Variants in PAK6 observed in about 807,000 individuals in gnomAD.
PAK6 encodes serine/threonine-protein kinase PAK 6.
A neutral mutation model predicts 60.8 loss-of-function variants in PAK6; 33 were observed. The ratio of observed to expected loss-of-function variants is 0.54; its 90% confidence interval spans 0.41 to 0.73. The LOEUF (loss-of-function observed/expected upper bound fraction) is 0.73, where lower values mean the gene tolerates loss of function less well. Among genes scored for constraint, PAK6 ranks in the 30% least tolerant of loss-of-function variants. The probability of loss-of-function intolerance (pLI) is 0.00; values close to 1 mark genes in which losing one functional copy is unlikely to be tolerated. For synonymous variants in PAK6, 404 were observed against 378.5 expected (o/e 1.07, Z -0.78); for missense variants, 845 against 904.1 (o/e 0.93, Z 0.84).
At chr15:40,273,913 C>T (rs893592848) in intron 9 of PAK6, 6 of 669,666 alleles carry the variant, frequency 9.0e-6, no homozygotes, top group Non-Finnish European at 1.5e-5. Flanking sequence ...GCCGGGCCTC[C>T]TATGTATGAT....
chr15:40,264,738 CCT>C (rs1566852372), intron 3 of PAK6, 41 bp from the exon 4 acceptor site: 2 of 1,573,380 alleles, frequency 1.3e-6, no homozygotes, highest in South Asian at 2.2e-5. Flanking sequence ...TGCAGCCACC[CCT>C]CTTTCCCGGG....
In PAK6 at chr15:40,265,265, G is replaced by A. The variant is rs561853314; in HGVS notation, c.204+276G>A. The stretch of plus-strand genomic sequence containing the variant: ...TTGCATTTGTATTTCAGATGACAAC[G>A]AATAGTCTTTTAGGACGTGTCCCAT... On this transcript the variant is annotated intron_variant, in intron 4 of 10. Coordinates refer to ENST00000560346, the Ensembl canonical transcript of PAK6. Among the ~76,000 whole-genome samples, 4 of 152,342 alleles carry A rather than the reference G, an allele frequency of 2.6e-5. No homozygotes were observed. In the East Asian group the frequency reaches 5.8e-4, roughly 22 times the overall value.
chr15:40,254,564 A>G (rs562430442), intron 3 of PAK6, among the ~76,000 whole-genome samples: 3 of 152,258 alleles, frequency 2.0e-5, no homozygotes, highest in African/African-American at 7.2e-5. Context: ...CTGGAACCTC[A>G]ACTGTTGCCT....
intron 10 of PAK6, 58 bp from the exon 11 acceptor site, chr15:40,275,869 C>G (rs1231993175): frequency 6.0e-6 from 9 of 1,492,464 alleles, no homozygotes; most frequent in African/African-American, 1.4e-5. Context: ...TCCAGGCAAT[C>G]AGGTCACCCC....
At chr15:40,275,282 T>TTTTTTTTTTTTTTTTTTTTG (rs2039423227) in intron 10 of PAK6, among the ~76,000 whole-genome samples, 1 of 95,152 alleles carries the variant, frequency 1.1e-5, no homozygotes. Flanking sequence ...TGTTGTTGGT[T>TTTTTTTTTTTTTTTTTTTTG]TTTTTTTTTT....
At chr15:40,253,218 TC>T in exon 3 of PAK6, 1 of 456,052 alleles carries the variant, frequency 2.2e-6, no homozygotes, top group South Asian at 1.5e-5. Context: ...AGGTCTTCCC[TC>T]TCCTCAGCGC....
chr15:40,249,847 C>T (rs1303846186), intron 2 of PAK6, among the ~76,000 whole-genome samples: 2 of 152,246 alleles, frequency 1.3e-5, no homozygotes, highest in African/African-American at 2.4e-5. Flanking sequence ...CCCTCCCAGA[C>T]CATACTGGCC....
chr15:40,261,117 T>C (rs1449939268), intron 3 of PAK6, among the ~76,000 whole-genome samples: 3 of 151,584 alleles, frequency 2.0e-5, no homozygotes, highest in African/African-American at 7.3e-5. Context: ...CTCTATCTCC[T>C]GACCTCGTGA....
chr15:40,252,304 G>T, intron 2 of PAK6: 2 of 1,232,854 alleles, frequency 1.6e-6, no homozygotes, highest in Non-Finnish European at 2.1e-6. Flanking sequence ...TCTCCAGGTC[G>T]GGTCTCCGCG....
Position 40,273,686 on chromosome 15 carries a change from C to T in PAK6, c.1743+10C>T, listed in dbSNP as rs762857584. On this transcript the variant is annotated intron_variant, in intron 9 of 10. Transcript: ENST00000560346. ...TTTGTATGCCACTGAGGTAACCGTT[C>T]CCTCCACCCCCCAGACCTCCCAAAA... is the stretch of plus-strand genomic sequence containing the variant. 1.2e-6 allele frequency: 2 copies of T among 1,612,484 alleles called. No homozygotes were observed. Among genetic ancestry groups the T allele is most frequent in the Admixed American group, 1.7e-5 (1 of 59,944 alleles).
At chr15:40,249,167 C>CT (rs1350753636) in intron 2 of PAK6, among the ~76,000 whole-genome samples, 1 of 152,178 alleles carries the variant, frequency 6.6e-6, no homozygotes, top group African/African-American at 2.4e-5. Context: ...CTGGGGGCCT[C>CT]TTTCATAAAG....
At chr15:40,252,701 C>G in intron 2 of PAK6, 1 of 1,305,482 alleles carries the variant, frequency 7.7e-7, no homozygotes, top group Non-Finnish European at 1.0e-6. Flanking sequence ...GGTGGGTTCC[C>G]CGGCTGCCCC....
chr15:40,275,897 T>A (rs775560347), intron 10 of PAK6, 30 bp from the exon 11 acceptor site: 1 of 1,583,528 alleles, frequency 6.3e-7, no homozygotes, highest in Non-Finnish European at 8.6e-7. Context: ...CTGCAAATTG[T>A]GGCTTCATCT....
chr15:40,263,984 C>T, intron 3 of PAK6: 1 of 455,822 alleles, frequency 2.2e-6, no homozygotes, highest in Admixed American at 2.4e-5. Flanking sequence ...GTGCTCTCTG[C>T]CTTCTCTGGA....
chr15:40,262,060 G>A (rs114164063), intron 3 of PAK6, among the ~76,000 whole-genome samples: 2,222 of 152,056 alleles, frequency 0.015, 52 homozygotes, highest in African/African-American at 0.05. Context: ...GGTGGGTGGT[G>A]GGGGGCGGAT....
At position 40,265,834 on chromosome 15, in the gene PAK6, C is replaced by A. The variant is rs2039112319; in HGVS notation, c.205-8C>A. 6.6e-7 allele frequency: 1 copy of A among 1,514,548 alleles called. No individual in the cohort carries two copies. Among genetic ancestry groups the A allele is most frequent in the Non-Finnish European group, 8.9e-7 (1 of 1,129,940 alleles). 93.8% of individuals were successfully genotyped at this position (1,514,548 alleles called of 1,614,324 possible). On this transcript the variant is annotated splice_polypyrimidine_tract_variant and splice_region_variant and intron_variant, in intron 4 of 10. Coordinates refer to ENST00000560346, the Ensembl canonical transcript of PAK6. ...GCTCCCACACACTCTTTTCTCTTCCCCCTACAGACAGTGGTGCGGGGCAGC... is the reference window on the plus strand; with the variant it reads ...GCTCCCACACACTCTTTTCTCTTCCACCTACAGACAGTGGTGCGGGGCAGC...
intron 10 of PAK6, among the ~76,000 whole-genome samples, chr15:40,274,826 G>A (rs540515081): frequency 3.3e-5 from 5 of 152,268 alleles, no homozygotes; most frequent in South Asian, 2.1e-4. Context: ...CCCCAACCCC[G>A]CAGGCCTTAC....
chr15:40,243,036 A>T (rs1304185805), intron 2 of PAK6, among the ~76,000 whole-genome samples: 1 of 152,188 alleles, frequency 6.6e-6, no homozygotes, highest in Non-Finnish European at 1.5e-5. Flanking sequence ...GGAGCCACAA[A>T]GCCACCATCA....
chr15:40,275,280 G>GTTTTTTTTTTGTTTTTT (rs2039419105), intron 10 of PAK6, among the ~76,000 whole-genome samples: 2 of 56,486 alleles, frequency 3.5e-5, no homozygotes, highest in African/African-American at 7.2e-5. Context: ...GTTGTTGTTG[G>GTTTTTTTTTTGTTTTTT]TTTTTTTTTT....
Sources: allele counts gnomAD v4.1 joint callset (sites outside exome capture counted in the v4.1 genomes callset), GRCh38; gene constraint gnomAD v4.1.1; transcripts MANE v1.5; gene names NCBI Gene and HGNC (gene_info 2026-07-23, HGNC 2026-07-21).